Variants in CHCHD6 observed in about 807,000 individuals in gnomAD.
The protein encoded by CHCHD6 is coiled-coil-helix-coiled-coil-helix domain containing 6.
In CHCHD6, 28 loss-of-function variants were observed where a neutral mutation model predicts 32.3. The observed-to-expected ratio is 0.87, with a 90% confidence interval of 0.64 to 1.19. The LOEUF (loss-of-function observed/expected upper bound fraction) is 1.19. Ranked by LOEUF, CHCHD6 falls within the 50% of genes most tolerant of loss-of-function variation. CHCHD6 has a pLI of 0.00. For synonymous variants in CHCHD6, 122 were observed against 117.5 expected (o/e 1.04, Z -0.25); for missense variants, 333 against 307.0 (o/e 1.08, Z -0.63).
chr3:126,824,560 C>CAAAAAAAAAAAAAAAAAAAAAAAAAAA lies in CHCHD6; in HGVS notation c.412-28066_412-28065insAAAAAAAAAAAAAAAAAAAAAAAAAAA, dbSNP rs71150454. Among the ~76,000 whole-genome samples the CAAAAAAAAAAAAAAAAAAAAAAAAAAA allele has an allele frequency of 1.8e-4, 7 of 39,996 alleles. 1 individual carries two copies. The highest frequency in any genetic ancestry group is 2.3e-4 in the Non-Finnish European group (6 of 25,910). 26.2% of individuals were successfully genotyped at this position (39,996 alleles called of 152,430 possible). A position where few individuals can be genotyped will look rare whatever the true frequency, so the allele number is the denominator to read the frequency against. On this transcript the variant is annotated intron_variant, in intron 4 of 7. Transcript: ENST00000290913. ...TAGGTGATAGAGCAAGACTCTGTCT[C>CAAAAAAAAAAAAAAAAAAAAAAAAAAA]AAAAAAAAAAAAAAAAAAAAAGTCA... is the stretch of plus-strand genomic sequence containing the variant.
intron 6 of CHCHD6, among the ~76,000 whole-genome samples, chr3:126,919,862 A>C (rs2078221714): frequency 6.6e-6 from 1 of 151,364 alleles, no homozygotes; most frequent in Non-Finnish European, 1.5e-5. Flanking sequence ...TTATTAAGCC[A>C]TACCTAGTTA....
chr3:126,768,228 G>A (rs1472226474), intron 4 of CHCHD6, among the ~76,000 whole-genome samples: 1 of 152,106 alleles, frequency 6.6e-6, no homozygotes, highest in African/African-American at 2.4e-5. Flanking sequence ...GTGAATTCTT[G>A]TGAGATCTGT....
At chr3:126,865,358 C>CCCACCA (rs566568983) in intron 5 of CHCHD6, among the ~76,000 whole-genome samples, 2,606 of 150,748 alleles carry the variant, frequency 0.017, 30 homozygotes, top group Middle Eastern at 0.026. Context: ...CCCTTCTGCC[C>CCCACCA]CCACCACCAC....
chr3:126,732,102 G>GAAAAAAA (rs1351414102), intron 3 of CHCHD6, among the ~76,000 whole-genome samples: 1 of 146,630 alleles, frequency 6.8e-6, no homozygotes, highest in Non-Finnish European at 1.5e-5. Flanking sequence ...AAAAAAAGAG[G>GAAAAAAA]AAAAAAAGCC....
At chr3:126,913,333 G>T (rs1366192972) in intron 5 of CHCHD6, among the ~76,000 whole-genome samples, 1 of 141,114 alleles carries the variant, frequency 7.1e-6, no homozygotes, top group African/African-American at 2.6e-5. Flanking sequence ...GGGTTCAAGC[G>T]ATTCTCATGC....
chr3:126,923,046 G>T (rs1197302239), intron 6 of CHCHD6, among the ~76,000 whole-genome samples: 2 of 152,150 alleles, frequency 1.3e-5, no homozygotes, highest in Non-Finnish European at 2.9e-5. Context: ...TGTCACACAG[G>T]GACCCCAGTG....
At chr3:126,800,795 G>A (rs1939024917) in intron 4 of CHCHD6, among the ~76,000 whole-genome samples, 1 of 152,144 alleles carries the variant, frequency 6.6e-6, no homozygotes, top group African/African-American at 2.4e-5. Context: ...GAAGAAAACA[G>A]GCTTAACCAC....
chr3:126,720,422 C>G (rs1232341003), intron 1 of CHCHD6, among the ~76,000 whole-genome samples: 1 of 152,180 alleles, frequency 6.6e-6, no homozygotes, highest in Non-Finnish European at 1.5e-5. Context: ...CCCACAGGGT[C>G]CACTCTGAAA....
At chr3:126,910,394 C>T (rs976704717) in intron 5 of CHCHD6, among the ~76,000 whole-genome samples, 1 of 152,212 alleles carries the variant, frequency 6.6e-6, no homozygotes, top group African/African-American at 2.4e-5. Context: ...CAGCTGGCAT[C>T]CTCCACGTCC....
chr3:126,858,387 G>A (rs1409419824), intron 5 of CHCHD6, among the ~76,000 whole-genome samples: 1 of 152,112 alleles, frequency 6.6e-6, no homozygotes, highest in African/African-American at 2.4e-5. Flanking sequence ...GAGTTCATCT[G>A]GCTGTGCTCT....
At position 126,750,562 on chromosome 3, in the gene CHCHD6, TG is replaced by T. The variant is rs1471794737; in HGVS notation, c.411+17342del. 6.6e-5 allele frequency among the ~76,000 whole-genome samples: 10 copies of T among 152,344 alleles called. No homozygotes were observed. The South Asian group carries it at 1.0e-3, about 16-fold the overall frequency. On this transcript the variant is annotated intron_variant, in intron 4 of 7. Coordinates refer to ENST00000290913, the MANE Select transcript of CHCHD6 (RefSeq NM_032343.3). The stretch of plus-strand genomic sequence containing the variant: ...GACTGAGATGGAGGTCAAGCCAGCG[TG>T]GCCTTTGGTGCTAGAGGGTCTGCTA...
intron 4 of CHCHD6, among the ~76,000 whole-genome samples, chr3:126,776,693 T>G (rs1039009853): frequency 1.3e-5 from 2 of 152,236 alleles, no homozygotes; most frequent in African/African-American, 4.8e-5. Flanking sequence ...CTCTGAGTAG[T>G]TGTTACCATA....
intron 4 of CHCHD6, among the ~76,000 whole-genome samples, chr3:126,828,185 C>G (rs927660741): frequency 1.3e-5 from 2 of 152,158 alleles, no homozygotes; most frequent in Non-Finnish European, 2.9e-5. Flanking sequence ...GAAATTTCAT[C>G]TTACCTCGTG....
intron 4 of CHCHD6, among the ~76,000 whole-genome samples, chr3:126,770,763 T>C (rs2107676685): frequency 6.6e-6 from 1 of 152,358 alleles, no homozygotes; most frequent in South Asian, 2.1e-4. Flanking sequence ...TCTGTGTTTA[T>C]CAAGGATATT....
At chr3:126,765,410 A>G (rs1937330110) in intron 4 of CHCHD6, among the ~76,000 whole-genome samples, 2 of 152,328 alleles carry the variant, frequency 1.3e-5, no homozygotes, top group African/African-American at 4.8e-5. Flanking sequence ...CACTGGTGGC[A>G]GTCACAGCAT....
intron 5 of CHCHD6, among the ~76,000 whole-genome samples, chr3:126,902,633 C>T (rs752995084): frequency 6.0e-4 from 90 of 150,010 alleles, no homozygotes; most frequent in Non-Finnish European, 1.1e-3. Context: ...AGCAGAATGG[C>T]GTGAACCTGG....
In CHCHD6 at chr3:126,733,122, TGGCAAAGA is replaced by T; in HGVS notation, c.314_321del (p.Ala105GlyfsTer23). The T allele has an allele frequency of 6.2e-7, 1 of 1,614,156 alleles. No individual in the cohort carries two copies. The highest frequency in any genetic ancestry group is 1.6e-4 in the Middle Eastern group (1 of 6,062). ...GCTATCCAGGATAAGCTCTTCCAGGTGGCAAAGAGGGAAAGAGAGGCTGCCACCAAGCA... is the reference window on the plus strand; with the variant it reads ...GCTATCCAGGATAAGCTCTTCCAGGTGGGAAAGAGAGGCTGCCACCAAGCA... On this transcript the variant is annotated frameshift_variant, in exon 4 of 8. Transcript: ENST00000290913. LOFTEE classifies it high-confidence loss of function.
intron 4 of CHCHD6, among the ~76,000 whole-genome samples, chr3:126,806,096 C>A (rs1463100422): frequency 6.6e-6 from 1 of 152,146 alleles, no homozygotes; most frequent in Non-Finnish European, 1.5e-5. Context: ...ACCATAAAAA[C>A]CCTAGAAGAA....
chr3:126,814,445 T>C (rs933409239), intron 4 of CHCHD6, among the ~76,000 whole-genome samples: 4 of 152,224 alleles, frequency 2.6e-5, no homozygotes, highest in African/African-American at 9.7e-5. Context: ...ATGGGACTGG[T>C]CACCAGAAAC....
Sources: allele counts gnomAD v4.1 joint callset (sites outside exome capture counted in the v4.1 genomes callset), GRCh38; gene constraint gnomAD v4.1.1; transcripts MANE v1.5; gene names NCBI Gene and HGNC (gene_info 2026-07-23, HGNC 2026-07-21).